The following DLG2 variants were observed in gnomAD, a reference collection of about 807,000 sequenced individuals.
DLG2 encodes disks large homolog 2.
In DLG2, 45 loss-of-function variants were observed where a neutral mutation model predicts 132.5. The observed-to-expected ratio is 0.34, with a 90% CI of 0.27 to 0.44. The LOEUF (loss-of-function observed/expected upper bound fraction) is 0.44, where lower values mean the gene tolerates loss of function less well. DLG2 is among the 20% of genes least tolerant of loss of function. DLG2 has a pLI of 1.00. For synonymous variants in DLG2, 424 were observed against 419.6 expected (o/e 1.01, Z -0.13); for missense variants, 1,045 against 1,196.9 (o/e 0.87, Z 1.87).
chr11:83,480,305 G>T, intron 22 of DLG2: 1 of 1,264,008 alleles, frequency 7.9e-7, no homozygotes, highest in Non-Finnish European at 1.1e-6. Context: ...ACAGAAATCT[G>T]AAATGACCAC....
At chr11:84,037,664 G>T (rs1050745026) in intron 11 of DLG2, among the ~76,000 whole-genome samples, 3 of 151,954 alleles carry the variant, frequency 2.0e-5, no homozygotes, top group Non-Finnish European at 4.4e-5. Context: ...GGCTTATGGT[G>T]GTAGATACTA....
chr11:85,544,646 A>G (rs564115151), intron 3 of DLG2, among the ~76,000 whole-genome samples: 2 of 151,976 alleles, frequency 1.3e-5, no homozygotes, highest in Non-Finnish European at 2.9e-5. Context: ...TTTCCACTTG[A>G]TTGTGTCCTC....
chr11:84,936,596 A>G (rs1046708707), intron 6 of DLG2: 4 of 152,190 alleles, frequency 2.6e-5, no homozygotes, highest in African/African-American at 7.2e-5. Context: ...ATGTATACAC[A>G]TGTACAATAA....
At chr11:85,229,188 A>ATTT (rs35465445) in intron 4 of DLG2, among the ~76,000 whole-genome samples, 6 of 148,968 alleles carry the variant, frequency 4.0e-5, no homozygotes, top group Admixed American at 6.7e-5. Flanking sequence ...ACAACACAGT[A>ATTT]TTTTTTTTTT....
At chr11:83,978,474 A>G (rs1434051308) in intron 12 of DLG2, among the ~76,000 whole-genome samples, 5 of 152,302 alleles carry the variant, frequency 3.3e-5, no homozygotes, top group African/African-American at 1.2e-4. Flanking sequence ...TATTCCAGAA[A>G]GAAGTTGTTC....
At chr11:83,522,986 T>C (rs933407126) in intron 21 of DLG2, among the ~76,000 whole-genome samples, 8 of 152,348 alleles carry the variant, frequency 5.3e-5, no homozygotes, top group Non-Finnish European at 1.0e-4. Context: ...AGATATACTC[T>C]TTTTACTTGC....
At chr11:85,197,287 G>A (rs1240257412) in intron 4 of DLG2, among the ~76,000 whole-genome samples, 1 of 151,812 alleles carries the variant, frequency 6.6e-6, no homozygotes, top group Non-Finnish European at 1.5e-5. Context: ...TTTTTTTCTT[G>A]ATCCTAGATA....
rs530370032 is a variant in DLG2 at position 84,112,671 on chromosome 11, A to G, written c.625-13624T>C. ...TTCTTTAAAATAACTTCCCTTTAAA[A>G]TGGTAACATGCGATTAACCAACTGT... On this transcript the variant is annotated intron_variant, in intron 9 of 27. Transcript: ENST00000376104. Among the ~76,000 whole-genome samples the G allele has an allele frequency of 2.0e-5, 3 of 152,266 alleles. No homozygotes were observed. In the South Asian group the frequency reaches 6.2e-4, roughly 32 times the overall value.
intron 7 of DLG2, among the ~76,000 whole-genome samples, chr11:84,396,564 A>C (rs1249740119): frequency 6.6e-6 from 1 of 152,224 alleles, no homozygotes; most frequent in Non-Finnish European, 1.5e-5. Flanking sequence ...GATGTTTTGC[A>C]AGTGTCTGTG....
At position 83,517,477 on chromosome 11, in the gene DLG2, T is replaced by C. The variant is rs149155807; in HGVS notation, c.2193+15231A>G. Among the ~76,000 whole-genome samples, 371 of 152,334 alleles carry C rather than the reference T, an allele frequency of 2.4e-3. 1 individual carries two copies. The highest frequency in any genetic ancestry group is 3.7e-3 in the Non-Finnish European group (254 of 68,028). On this transcript the variant is annotated intron_variant, in intron 21 of 27. Transcript: ENST00000376104. ...TGCCATGGGTTCAAACTTCCTTCTT[T>C]AGCTCGGAGTAGTTTGATCTTCTGA...
chr11:85,063,304 T>C (rs1212462686), intron 6 of DLG2, among the ~76,000 whole-genome samples: 1 of 151,822 alleles, frequency 6.6e-6, no homozygotes, highest in Non-Finnish European at 1.5e-5. Flanking sequence ...GAGTTTTGAG[T>C]CTGTTTTCTG....
At chr11:84,159,512 G>T (rs910347577) in intron 9 of DLG2, among the ~76,000 whole-genome samples, 4 of 151,714 alleles carry the variant, frequency 2.6e-5, no homozygotes, top group African/African-American at 9.7e-5. Context: ...GAAAAGCTTG[G>T]CTTGTTTGAG....
At chr11:84,330,925 A>C (rs2098455571) in intron 7 of DLG2, among the ~76,000 whole-genome samples, 1 of 152,204 alleles carries the variant, frequency 6.6e-6, no homozygotes, top group Admixed American at 6.5e-5. Context: ...ATAGGTTTTT[A>C]AGTTTGGTGT....
chr11:85,462,306 T>A (rs1033560093), intron 3 of DLG2, among the ~76,000 whole-genome samples: 3 of 152,224 alleles, frequency 2.0e-5, no homozygotes, highest in Non-Finnish European at 4.4e-5. Context: ...ACTGGGTATA[T>A]ACCCAAAGGA....
chr11:85,297,970 C>A (rs12794933), intron 3 of DLG2, among the ~76,000 whole-genome samples: 1 of 152,082 alleles, frequency 6.6e-6, no homozygotes, highest in Non-Finnish European at 1.5e-5. Flanking sequence ...ATGAGGAGGG[C>A]GCCCATGTGA....
chr11:84,022,510 G>C (rs1313892059), intron 11 of DLG2, among the ~76,000 whole-genome samples: 1 of 152,056 alleles, frequency 6.6e-6, no homozygotes, highest in Non-Finnish European at 1.5e-5. Context: ...AGCCTCACTG[G>C]GCCAGCCAAA....
intron 17 of DLG2, among the ~76,000 whole-genome samples, chr11:83,830,140 A>C (rs909695350): frequency 1.3e-5 from 2 of 152,214 alleles, no homozygotes; most frequent in African/African-American, 2.4e-5. Flanking sequence ...AAAGCAGATA[A>C]TATTTTCCTC....
intron 3 of DLG2, among the ~76,000 whole-genome samples, chr11:85,568,517 G>A (rs569358928): frequency 2.6e-5 from 4 of 152,088 alleles, no homozygotes; most frequent in East Asian, 3.8e-4. Context: ...TAAACATTTG[G>A]TAGAATTCAC....
chr11:84,465,030 G>C (rs2099090440), intron 7 of DLG2, among the ~76,000 whole-genome samples: 1 of 151,188 alleles, frequency 6.6e-6, no homozygotes, highest in Non-Finnish European at 1.5e-5. Flanking sequence ...CCCTTGGAAA[G>C]TCATAGTATG....
Sources: allele counts gnomAD v4.1 joint callset (sites outside exome capture counted in the v4.1 genomes callset), GRCh38; gene constraint gnomAD v4.1.1; transcripts MANE v1.5; gene names NCBI Gene and HGNC (gene_info 2026-07-23, HGNC 2026-07-21).